The following OPRM1 variants were observed in gnomAD, a reference collection of about 807,000 sequenced individuals.
The protein encoded by OPRM1 is mu-type opioid receptor.
A neutral mutation model predicts 31.8 loss-of-function variants in OPRM1; 27 were observed. That is an observed-to-expected ratio of 0.85 (90% confidence interval 0.63 to 1.17). The LOEUF (loss-of-function observed/expected upper bound fraction) is 1.17. Ranked by LOEUF, OPRM1 falls within the 50% of genes most tolerant of loss-of-function variation. The pLI, the probability that OPRM1 is intolerant of heterozygous loss-of-function variation, is 0.00. For missense variants in OPRM1, 536 were observed against 511.1 expected, an observed-to-expected ratio of 1.05 and a Z score of -0.47; for synonymous variants, 196 against 189.9, an observed-to-expected ratio of 1.03 and a Z score of -0.26.
chr6:154,158,341 G>A (rs1798797393), intron 3 of OPRM1: 1 of 152,152 alleles, frequency 6.6e-6, no homozygotes, highest in Non-Finnish European at 1.5e-5. Context: ...ATTAGTAAGG[G>A]AAGACTTTCA....
At chr6:154,064,933 C>T (rs1335840870) in intron 1 of OPRM1, among the ~76,000 whole-genome samples, 1 of 152,018 alleles carries the variant, frequency 6.6e-6, no homozygotes, top group Non-Finnish European at 1.5e-5. Flanking sequence ...GAGTCCTCTG[C>T]CTTTGTCCTT....
rs75091793 is a variant in OPRM1, at chr6:154,212,859, T to C, written c.1165-33834T>C. The C allele has an allele frequency of 5.6e-3, 8,990 of 1,600,526 alleles. 34 individuals are homozygous for C. The highest frequency in any genetic ancestry group is 6.8e-3 in the Non-Finnish European group (7,886 of 1,167,720). On this transcript the variant is annotated intron_variant, in intron 3 of 3. Transcript: ENST00000337049. ...TGTTCACTTTCACTGTAACATTCTA[T>C]AACAAAAATGAAAATGCTTAATGTT...
At chr6:154,027,520 A>T (rs1185980888) in intron 1 of OPRM1, among the ~76,000 whole-genome samples, 1 of 152,176 alleles carries the variant, frequency 6.6e-6, no homozygotes, top group Non-Finnish European at 1.5e-5. Flanking sequence ...CTCTTCAATC[A>T]GCAGGTGGCA....
At chr6:154,080,649 A>C (rs909007040) in intron 1 of OPRM1, among the ~76,000 whole-genome samples, 21 of 152,248 alleles carry the variant, frequency 1.4e-4, no homozygotes, top group African/African-American at 5.1e-4. Flanking sequence ...TCCATTCTGC[A>C]TCACAGCACA....
At chr6:154,118,561 T>C in intron 3 of OPRM1, 122 bp from the exon 4 acceptor site, 2 of 822,114 alleles carry the variant, frequency 2.4e-6, no homozygotes, top group South Asian at 3.2e-5. Flanking sequence ...AAACTGAGGC[T>C]TGCAGGTGAA....
At chr6:154,212,958 C>T (rs1219788102) in intron 3 of OPRM1, 1 of 800,700 alleles carries the variant, frequency 1.2e-6, no homozygotes, top group Admixed American at 2.1e-5. Flanking sequence ...AATTTCAATC[C>T]AATTCAGAAA....
At chr6:154,224,079 A>T (rs993830786) in intron 3 of OPRM1, among the ~76,000 whole-genome samples, 4 of 152,208 alleles carry the variant, frequency 2.6e-5, no homozygotes, top group African/African-American at 9.6e-5. Context: ...TAGAACTCAA[A>T]TCTTCTTTCA....
At chr6:154,133,099 C>T (rs1280290960), downstream of OPRM1, among the ~76,000 whole-genome samples, 16 of 140,846 alleles carry the variant, frequency 1.1e-4, no homozygotes, top group South Asian at 1.1e-3. Flanking sequence ...CCAGCCTGGG[C>T]GACAGAGTGA....
intron 3 of OPRM1, among the ~76,000 whole-genome samples, chr6:154,095,803 A>G (rs1749557147): frequency 6.6e-6 from 1 of 152,136 alleles, no homozygotes; most frequent in African/African-American, 2.4e-5. Context: ...GATCTTTATT[A>G]GGTAGACTAA....
chr6:154,150,185 C>T (rs569682732), intron 3 of OPRM1, among the ~76,000 whole-genome samples: 11 of 152,334 alleles, frequency 7.2e-5, no homozygotes, highest in African/African-American at 2.6e-4. Context: ...CAAGGAGAGC[C>T]ATTTCAGCAG....
chr6:154,139,729 A>C (rs1188237720), intron 3 of OPRM1, among the ~76,000 whole-genome samples: 8 of 152,188 alleles, frequency 5.3e-5, no homozygotes, highest in Admixed American at 5.2e-4. Flanking sequence ...AGGAGCAATC[A>C]GAGTGAAAGA....
chr6:154,138,021 T>G (rs1165796058), intron 3 of OPRM1, among the ~76,000 whole-genome samples: 1 of 152,160 alleles, frequency 6.6e-6, no homozygotes, highest in African/African-American at 2.4e-5. Flanking sequence ...GACATAGTCT[T>G]CCCCTTCAAG....
chr6:154,063,771 G>T (rs1407825190), intron 1 of OPRM1, among the ~76,000 whole-genome samples: 1 of 151,826 alleles, frequency 6.6e-6, no homozygotes, highest in African/African-American at 2.4e-5. Flanking sequence ...TTTATAAATG[G>T]TTTATTTCAT....
chr6:154,182,068 A>T (rs959662839), intron 3 of OPRM1, among the ~76,000 whole-genome samples: 1 of 152,206 alleles, frequency 6.6e-6, no homozygotes, highest in Non-Finnish European at 1.5e-5. Context: ...TAAAATTTTT[A>T]AAAAAGATCA....
chr6:154,152,333 A>AAAGAAAAG (rs1416026268), intron 3 of OPRM1, among the ~76,000 whole-genome samples: 1 of 19,002 alleles, frequency 5.3e-5, no homozygotes, highest in Non-Finnish European at 1.1e-4. Flanking sequence ...GAAAGAAAGA[A>AAAGAAAAG]AGAAAGAAAG....
In OPRM1 at chr6:154,039,274, C is replaced by G; in HGVS notation, c.-271C>G. 6.4e-7 allele frequency: 1 copy of G among 1,551,674 alleles called. No homozygotes were observed. Among genetic ancestry groups the G allele is most frequent in the East Asian group, 2.4e-5 (1 of 40,906 alleles). On this transcript the variant is annotated 5_prime_UTR_variant, in exon 1 of 4. Transcript: ENST00000330432. ...TTCCAGCCTCCGAATCCCGCATGGCCCACGCTCCCCTCCTGCAGCGGTGCG... is the reference window on the plus strand; with the variant it reads ...TTCCAGCCTCCGAATCCCGCATGGCGCACGCTCCCCTCCTGCAGCGGTGCG...
intron 3 of OPRM1, among the ~76,000 whole-genome samples, chr6:154,220,528 G>A (rs1778780088): frequency 6.6e-6 from 1 of 152,190 alleles, no homozygotes; most frequent in Admixed American, 6.5e-5. Context: ...GTGCACGCCT[G>A]TAACTTGGGA....
chr6:154,202,248 AT>A (rs1221725513), intron 3 of OPRM1, among the ~76,000 whole-genome samples: 2 of 152,336 alleles, frequency 1.3e-5, no homozygotes, highest in East Asian at 3.9e-4. Flanking sequence ...TGGCACGTAC[AT>A]AAAAAAAATC....
At chr6:154,203,020 C>G (rs751365402) in intron 3 of OPRM1, among the ~76,000 whole-genome samples, 2 of 152,090 alleles carry the variant, frequency 1.3e-5, no homozygotes, top group Non-Finnish European at 2.9e-5. Flanking sequence ...TCCAAGGATT[C>G]AGTATGAAAA....
Sources: allele counts gnomAD v4.1 joint callset (sites outside exome capture counted in the v4.1 genomes callset), GRCh38; gene constraint gnomAD v4.1.1; transcripts MANE v1.5; gene names NCBI Gene and HGNC (gene_info 2026-07-23, HGNC 2026-07-21).